Variants in GLMN observed in about 807,000 individuals in gnomAD.
The protein encoded by GLMN is glomulin, FKBP associated protein.
In GLMN, 75 loss-of-function variants were observed where a neutral mutation model predicts 87.8. The ratio of observed to expected loss-of-function variants is 0.85; its 90% CI spans 0.71 to 1.04. The LOEUF (loss-of-function observed/expected upper bound fraction) is 1.04. Among genes scored for constraint, GLMN ranks in the 50% least tolerant of loss-of-function variants. GLMN has a pLI of 0.00. For missense variants in GLMN, 588 were observed against 658.8 expected, an observed-to-expected ratio of 0.89 and a Z score of 1.18; for synonymous variants, 206 against 221.6, an observed-to-expected ratio of 0.93 and a Z score of 0.63.
At chr1:92,266,864 A>ATACGGCGACCACCG in intron 11 of GLMN, 123 bp from the exon 12 acceptor site, 1 of 664,422 alleles carries the variant, frequency 1.5e-6, no homozygotes, top group Non-Finnish European at 2.6e-6. Context: ...TTTAAAAGTG[A>ATACGGCGACCACCG]AGTAAATTAA....
chr1:92,262,810 T>C (rs1570879231), intron 16 of GLMN, 53 bp downstream of exon 16: 2 of 788,476 alleles, frequency 2.5e-6, no homozygotes, highest in East Asian at 2.5e-5. Context: ...ATCTGAAACA[T>C]TCCTTATGCC....
At chr1:92,286,772 A>G (rs1393968570) in intron 6 of GLMN, among the ~76,000 whole-genome samples, 180 bp from the exon 7 acceptor site, 1 of 152,220 alleles carries the variant, frequency 6.6e-6, no homozygotes, top group Non-Finnish European at 1.5e-5. Context: ...GAATTAGGCC[A>G]AGGGGGCTCC....
the GLMN span, chr1:92,345,786 A>C: frequency 9.5e-7 from 1 of 1,051,084 alleles, no homozygotes. Context: ...GTTATCTAGA[A>C]AGAAATAGAA....
chr1:92,336,327 T>G, the GLMN span: 1 of 1,567,658 alleles, frequency 6.4e-7, no homozygotes, highest in Non-Finnish European at 8.7e-7. Context: ...TTAAAATAAA[T>G]GTAATTTTTA....
At chr1:92,282,952 C>G (rs1444208058) in intron 7 of GLMN, among the ~76,000 whole-genome samples, 1 of 152,120 alleles carries the variant, frequency 6.6e-6, no homozygotes, top group Non-Finnish European at 1.5e-5. Flanking sequence ...CTGAATAGAC[C>G]AATAACAGGT....
chr1:92,281,320 T>G (rs1357660323), intron 7 of GLMN, among the ~76,000 whole-genome samples: 4 of 152,154 alleles, frequency 2.6e-5, no homozygotes, highest in Non-Finnish European at 5.9e-5. Flanking sequence ...AATTCAACAT[T>G]CTTAAAGAAA....
chr1:92,251,729 T>A (rs896313076), intron 16 of GLMN, among the ~76,000 whole-genome samples: 3 of 152,080 alleles, frequency 2.0e-5, no homozygotes, highest in Admixed American at 2.0e-4. Context: ...AAGTTGAAAA[T>A]TTTTTTCTTT....
At chr1:92,327,508 A>G in the GLMN span, among the ~76,000 whole-genome samples, 1 of 152,196 alleles carries the variant, frequency 6.6e-6, no homozygotes, top group African/African-American at 2.4e-5. Context: ...TTTGCATGGA[A>G]TATGTTTTTC....
intron 5 of GLMN, among the ~76,000 whole-genome samples, chr1:92,289,574 T>C (rs1331635939): frequency 6.6e-6 from 1 of 152,192 alleles, no homozygotes; most frequent in Non-Finnish European, 1.5e-5. Flanking sequence ...TTAAAACAAA[T>C]TTAATTTCTG....
chr1:92,250,017 A>T (rs4658297), intron 16 of GLMN, among the ~76,000 whole-genome samples: 9 of 148,322 alleles, frequency 6.1e-5, no homozygotes, highest in Admixed American at 6.7e-5. Flanking sequence ...TTTTCTTTTT[A>T]CTTTGCATTC....
chr1:92,320,928 T>A, the GLMN span, among the ~76,000 whole-genome samples: 1 of 152,244 alleles, frequency 6.6e-6, no homozygotes, highest in African/African-American at 2.4e-5. Flanking sequence ...TGCTTCTTTG[T>A]CAACTAGATT....
chr1:92,278,851 G>T (rs930189473), intron 7 of GLMN, among the ~76,000 whole-genome samples: 3 of 152,116 alleles, frequency 2.0e-5, no homozygotes, highest in Non-Finnish European at 4.4e-5. Flanking sequence ...GAAATCTCAA[G>T]TATTTCATTT....
the GLMN span, among the ~76,000 whole-genome samples, chr1:92,321,768 A>C: frequency 7.9e-5 from 12 of 152,090 alleles, no homozygotes; most frequent in African/African-American, 2.9e-4. Flanking sequence ...TTGATTTGCT[A>C]ACTTGTTCTG....
chr1:92,323,643 G>A, the GLMN span: 2 of 1,613,754 alleles, frequency 1.2e-6, no homozygotes, highest in Non-Finnish European at 1.7e-6. Flanking sequence ...TTAGACCACA[G>A]CTGCACCAAA....
chr1:92,323,552 C>T, the GLMN span: 111 of 1,613,620 alleles, frequency 6.9e-5, no homozygotes, highest in East Asian at 2.4e-3. Context: ...TCTTCTAGCA[C>T]TCACAGTGAT....
intron 16 of GLMN, among the ~76,000 whole-genome samples, chr1:92,252,655 A>C (rs914158825): frequency 2.0e-5 from 3 of 152,198 alleles, no homozygotes; most frequent in African/African-American, 7.2e-5. Flanking sequence ...AGGAGTGAAG[A>C]AGCTGTGAGA....
the GLMN span, among the ~76,000 whole-genome samples, chr1:92,317,069 T>C: frequency 6.6e-6 from 1 of 152,164 alleles, no homozygotes; most frequent in Non-Finnish European, 1.5e-5. Context: ...CTTGCAACTT[T>C]TTTGGGTCTT....
Position 92,297,604 on chromosome 1 carries a change from CTTGAT to C in GLMN, c.40-80_40-76del, listed in dbSNP as rs993362328. On this transcript the variant is annotated intron_variant, in intron 2 of 18. Coordinates refer to ENST00000370360, the MANE Select transcript of GLMN (RefSeq NM_053274.3). The stretch of plus-strand genomic sequence containing the variant: ...AAATAAAAATTAAATACAATAACTT[CTTGAT>C]TTATCTATGAAAAAAGGAAATCTGT... The C allele has an allele frequency of 2.2e-5, 26 of 1,204,988 alleles. 1 individual carries two copies. Among genetic ancestry groups the C allele is most frequent in the African/African-American group, 1.2e-4 (8 of 64,256 alleles). The allele number at this position is 1,204,988 out of a possible 1,614,324, so 74.6% of individuals were successfully genotyped here.
chr1:92,333,608 C>T, the GLMN span: 1,218 of 667,368 alleles, frequency 1.8e-3, 16 homozygotes, highest in African/African-American at 0.018. Flanking sequence ...TGGATTTCTT[C>T]ACTTAAGAAA....
Sources: allele counts gnomAD v4.1 joint callset (sites outside exome capture counted in the v4.1 genomes callset), GRCh38; gene constraint gnomAD v4.1.1; transcripts MANE v1.5; gene names NCBI Gene and HGNC (gene_info 2026-07-23, HGNC 2026-07-21).